GABRA1: variants seen among roughly 807,000 people sequenced by gnomAD.
GABRA1 encodes gamma-aminobutyric acid type A receptor subunit alpha1.
A neutral mutation model predicts 48.9 loss-of-function variants in GABRA1; 9 were observed. The observed-to-expected ratio is 0.18, with a 90% CI of 0.11 to 0.32. The LOEUF (loss-of-function observed/expected upper bound fraction) is 0.32. GABRA1 is among the 10% of genes least tolerant of loss of function. The pLI is 1.00. For synonymous variants in GABRA1, 210 were observed against 198.7 expected (o/e 1.06, Z -0.48); for missense variants, 285 against 553.8 (o/e 0.51, Z 4.87).
chr5:161,893,741 T>A (rs552775276), intron 8 of GABRA1, among the ~76,000 whole-genome samples: 97 of 152,304 alleles, frequency 6.4e-4, no homozygotes, highest in Non-Finnish European at 1.2e-3. Flanking sequence ...CAAATTTACT[T>A]CCTCTTATGG....
chr5:161,873,621 A>G (rs1754220267), intron 5 of GABRA1, among the ~76,000 whole-genome samples: 1 of 152,164 alleles, frequency 6.6e-6, no homozygotes. Context: ...TAAAACTCAT[A>G]TATTCCTTCA....
chr5:161,859,711 A>C (rs776876071), intron 3 of GABRA1, among the ~76,000 whole-genome samples: 1 of 151,818 alleles, frequency 6.6e-6, no homozygotes, highest in Admixed American at 6.6e-5. Context: ...ATGTTCAACT[A>C]ATGTCAAAAT....
At chr5:161,851,554 T>C (rs541408982) in intron 2 of GABRA1, among the ~76,000 whole-genome samples, 2 of 152,144 alleles carry the variant, frequency 1.3e-5, no homozygotes, top group African/African-American at 2.4e-5. Context: ...TTTACATGAC[T>C]AAGTATTACA....
At chr5:161,871,631 A>G in intron 4 of GABRA1, among the ~76,000 whole-genome samples, 1 of 152,192 alleles carries the variant, frequency 6.6e-6, no homozygotes, top group East Asian at 1.9e-4. Flanking sequence ...GCCCAAGCTT[A>G]AACAGTCCCT....
chr5:161,850,732 C>T (rs1403103791), intron 1 of GABRA1, 64 bp from the exon 2 acceptor site: 7 of 1,353,540 alleles, frequency 5.2e-6, no homozygotes, highest in Non-Finnish European at 2.1e-6. Context: ...CTCAGTCAGC[C>T]CTGGTGGTTA....
At chr5:161,888,652 G>A (rs186422569) in intron 7 of GABRA1, among the ~76,000 whole-genome samples, 131 of 152,148 alleles carry the variant, frequency 8.6e-4, no homozygotes, top group African/African-American at 2.8e-3. Context: ...GAATAATAAT[G>A]CATGCCCCTG....
chr5:161,893,527 CAAACA>C (rs763395655), intron 8 of GABRA1, among the ~76,000 whole-genome samples: 37 of 151,950 alleles, frequency 2.4e-4, no homozygotes, highest in African/African-American at 8.9e-4. Context: ...ACCAAACAAA[CAAACA>C]AAAGTTGTAC....
rs751571034 is a variant in GABRA1 at position 161,897,181 on chromosome 5, C to A, written c.1130C>A (p.Pro377His). ...TYAPTATSYT[P>H]NLARGDPGLA... ...GCTCCAACAGCAACCAGCTACACCC[C>A]TAATTTGGCCAGGGGCGACCCGGGC... is the stretch of plus-strand genomic sequence containing the variant. Residue 377 changes from proline (P) to histidine (H), a missense_variant, in exon 10 of 10, where the codon CCT becomes CAT. Transcript: ENST00000393943. The A allele has an allele frequency of 1.2e-6, 2 of 1,614,098 alleles. No homozygotes were observed. The highest frequency in any genetic ancestry group is 3.3e-5 in the Admixed American group (2 of 60,014).
chr5:161,896,335 G>A (rs889481143), intron 9 of GABRA1, among the ~76,000 whole-genome samples: 8 of 152,112 alleles, frequency 5.3e-5, no homozygotes, highest in African/African-American at 1.9e-4. Flanking sequence ...ACCATCCCTA[G>A]TTCTCTGCAA....
intron 2 of GABRA1, 113 bp downstream of exon 2, chr5:161,850,997 C>G (rs1757426420): frequency 1.2e-6 from 1 of 843,268 alleles, no homozygotes; most frequent in Non-Finnish European, 2.0e-6. Context: ...ATTCAGAAAA[C>G]TTAACTGCAA....
At chr5:161,860,668 T>G (rs1352269519) in intron 3 of GABRA1, among the ~76,000 whole-genome samples, 1 of 150,896 alleles carries the variant, frequency 6.6e-6, no homozygotes, top group Non-Finnish European at 1.5e-5. Flanking sequence ...GAAGAATAAA[T>G]GCTTGAGGTG....
At chr5:161,879,613 T>A (rs2113403256) in intron 6 of GABRA1, among the ~76,000 whole-genome samples, 1 of 152,256 alleles carries the variant, frequency 6.6e-6, no homozygotes, top group East Asian at 1.9e-4. Context: ...TCATCTTTGC[T>A]AAGGCCTTAA....
At position 161,897,801 on chromosome 5, in the gene GABRA1, T is replaced by C. The variant is rs1290343510; in HGVS notation, c.*379T>C. The C allele has an allele frequency of 6.0e-6, 1 of 167,974 alleles. No homozygotes were observed. The highest frequency in any genetic ancestry group is 2.4e-5 in the African/African-American group (1 of 41,790). The allele number at this position is 167,974 out of a possible 1,614,324, so 10.4% of individuals were successfully genotyped here. ...TATTCTAAAAAAGATACTGTATATG[T>C]CAAAAATATTTTTATGTGAAGGTGT... is the stretch of plus-strand genomic sequence containing the variant. On this transcript the variant is annotated 3_prime_UTR_variant, in exon 10 of 10. Coordinates refer to ENST00000393943, the MANE Select transcript of GABRA1 (RefSeq NM_001127644.2).
rs995961732 is a variant in GABRA1 at position 161,899,261 on chromosome 5, C to T, written c.*1839C>T. The stretch of plus-strand genomic sequence containing the variant: ...AATACATTGTGTTTTCCTAAACACA[C>T]TTTTCTTTTTAAATGTGCTTCATTG... On this transcript the variant is annotated 3_prime_UTR_variant, in exon 10 of 10. Transcript: ENST00000393943. The T allele has an allele frequency of 6.6e-6, 1 of 152,568 alleles. No individual in the cohort carries two copies. The highest frequency in any genetic ancestry group is 2.4e-5 in the African/African-American group (1 of 41,450). The allele number at this position is 152,568 out of a possible 1,614,324, so 9.5% of individuals were successfully genotyped here. A position where few individuals can be genotyped will look rare whatever the true frequency, so the allele number is the denominator to read the frequency against.
intron 3 of GABRA1, among the ~76,000 whole-genome samples, chr5:161,860,373 C>T (rs531231478): frequency 6.6e-6 from 1 of 151,782 alleles, no homozygotes; most frequent in East Asian, 1.9e-4. Flanking sequence ...AGCATAATCA[C>T]CTCCAGTTGC....
chr5:161,873,004 C>T lies in GABRA1; in HGVS notation c.256-113C>T, dbSNP rs990408367. 4 of 796,572 alleles carry T rather than the reference C, an allele frequency of 5.0e-6. No homozygotes were observed. The African/African-American group carries it at 6.8e-5, about 13-fold the overall frequency. The allele number at this position is 796,572 out of a possible 1,614,324, so 49.3% of individuals were successfully genotyped here. On this transcript the variant is annotated intron_variant, in intron 4 of 9. Transcript: ENST00000393943. ...CACACGTTTACTTCTAAAAACATCACCTAGCTAACATTATACTTCCAAAGT... is the reference window on the plus strand; with the variant it reads ...CACACGTTTACTTCTAAAAACATCATCTAGCTAACATTATACTTCCAAAGT...
chr5:161,865,608 A>G (rs1257514711), intron 3 of GABRA1, 113 bp from the exon 4 acceptor site: 1 of 863,864 alleles, frequency 1.2e-6, no homozygotes, highest in Non-Finnish European at 2.0e-6. Context: ...GACCAATTTT[A>G]GAAATAGCTA....
At chr5:161,853,201 T>C (rs1252814846) in intron 2 of GABRA1, among the ~76,000 whole-genome samples, 2 of 151,862 alleles carry the variant, frequency 1.3e-5, no homozygotes, top group Non-Finnish European at 2.9e-5. Flanking sequence ...TCAAGGAGCA[T>C]AGATAGCAAT....
chr5:161,858,570 C>CA (rs1260417933), intron 3 of GABRA1, among the ~76,000 whole-genome samples: 2 of 151,696 alleles, frequency 1.3e-5, no homozygotes, highest in Admixed American at 6.6e-5. Flanking sequence ...GTGATGCCAC[C>CA]AAGCTAAGGG....
Sources: gnomAD v4.1 joint callset for allele counts (sites outside exome capture counted in the v4.1 genomes callset) on GRCh38, gnomAD v4.1.1 for gene constraint, MANE v1.5 for transcripts, NCBI Gene and HGNC (gene_info 2026-07-23, HGNC 2026-07-21) for gene names.